Variants in SLC24A4 observed in about 807,000 individuals in gnomAD.
SLC24A4 encodes solute carrier family 24 member 4, also known as sodium/potassium/calcium exchanger 4.
SLC24A4 carries 53 observed loss-of-function variants against 79.0 expected under a neutral mutation model. The ratio of observed to expected loss-of-function variants is 0.67; its 90% CI spans 0.54 to 0.84. SLC24A4 has a LOEUF of 0.84. Ranked by LOEUF, SLC24A4 falls within the 40% of genes least tolerant of loss-of-function variation. The probability of loss-of-function intolerance (pLI) is 0.00; values close to 1 mark genes in which losing one functional copy is unlikely to be tolerated. For missense variants in SLC24A4, 731 were observed against 822.0 expected, an observed-to-expected ratio of 0.89 and a Z score of 1.35; for synonymous variants, 323 against 323.8, an observed-to-expected ratio of 1.00 and a Z score of 0.03.
chr14:92,376,826 T>C (rs1218274551), intron 2 of SLC24A4, among the ~76,000 whole-genome samples: 2 of 152,172 alleles, frequency 1.3e-5, no homozygotes, highest in East Asian at 3.8e-4. Context: ...TGTCACAACC[T>C]GGGGCAAGGC....
intron 2 of SLC24A4, among the ~76,000 whole-genome samples, chr14:92,364,996 C>G (rs965465211): frequency 1.3e-5 from 2 of 152,202 alleles, no homozygotes; most frequent in Non-Finnish European, 2.9e-5. Context: ...CAGGACTTCT[C>G]CCTCCCTATC....
At chr14:92,484,675 TG>T (rs1182780298) in intron 13 of SLC24A4, 1 of 985,246 alleles carries the variant, frequency 1.0e-6, no homozygotes, top group Admixed American at 6.2e-5. Context: ...TTCAGCTAAA[TG>T]GGGGACATGG....
At chr14:92,334,536 A>G (rs1362275929) in intron 2 of SLC24A4, among the ~76,000 whole-genome samples, 2 of 152,106 alleles carry the variant, frequency 1.3e-5, no homozygotes, top group Non-Finnish European at 2.9e-5. Flanking sequence ...TTTAGTGGCT[A>G]TTCTCCCTCC....
Position 92,498,064 on chromosome 14 carries a change from A to G in SLC24A4, c.*4436A>G, listed in dbSNP as rs1258232829. 1 of 152,240 alleles carries G rather than the reference A, an allele frequency of 6.6e-6. No homozygotes were observed. Among genetic ancestry groups the G allele is most frequent in the Non-Finnish European group, 1.5e-5 (1 of 68,062 alleles). The allele number at this position is 152,240 out of a possible 1,614,324, so 9.4% of individuals were successfully genotyped here. A position where few individuals can be genotyped will look rare whatever the true frequency, so the allele number is the denominator to read the frequency against. On this transcript the variant is annotated 3_prime_UTR_variant, in exon 17 of 17. Coordinates refer to ENST00000532405, the MANE Select transcript of SLC24A4 (RefSeq NM_153646.4). ...GTCCTCCTTTCAGCACACCGTGCCCATAGAAACTTCTAGAAATTTCTGAAA... is the reference window on the plus strand; with the variant it reads ...GTCCTCCTTTCAGCACACCGTGCCCGTAGAAACTTCTAGAAATTTCTGAAA...
chr14:92,459,513 C>T (rs1893673182), intron 12 of SLC24A4, among the ~76,000 whole-genome samples: 2 of 152,148 alleles, frequency 1.3e-5, no homozygotes, highest in South Asian at 4.1e-4. Context: ...TAGGCTGTTC[C>T]CCTGGGCTCA....
At chr14:92,415,064 C>T (rs7492663) in intron 2 of SLC24A4, among the ~76,000 whole-genome samples, 1 of 121,798 alleles carries the variant, frequency 8.2e-6, no homozygotes, top group Admixed American at 8.1e-5. Flanking sequence ...GGTTGAAAGG[C>T]GACGGTTCAC....
At chr14:92,437,047 C>T (rs1254658717) in intron 3 of SLC24A4, among the ~76,000 whole-genome samples, 2 of 152,158 alleles carry the variant, frequency 1.3e-5, no homozygotes, top group African/African-American at 4.8e-5. Flanking sequence ...TGATGAGTAT[C>T]ACTGTTTTAG....
intron 2 of SLC24A4, among the ~76,000 whole-genome samples, chr14:92,410,329 G>A (rs969471690): frequency 2.0e-5 from 3 of 152,150 alleles, no homozygotes; most frequent in African/African-American, 7.2e-5. Context: ...CTACAGGTGT[G>A]CCACCATGCC....
At chr14:92,478,962 G>T (rs1326302323) in intron 12 of SLC24A4, among the ~76,000 whole-genome samples, 1 of 151,974 alleles carries the variant, frequency 6.6e-6, no homozygotes, top group African/African-American at 2.4e-5. Context: ...TGATGGCATT[G>T]TACATGGAAT....
intron 1 of SLC24A4, 88 bp downstream of exon 1, chr14:92,324,048 C>T (rs1595114428): frequency 1.3e-6 from 2 of 1,511,388 alleles, no homozygotes; most frequent in Non-Finnish European, 1.8e-6. Flanking sequence ...TTTTCCCCTC[C>T]TTCCTCATCA....
chr14:92,400,024 A>G (rs572186483), intron 2 of SLC24A4, among the ~76,000 whole-genome samples: 58 of 152,192 alleles, frequency 3.8e-4, no homozygotes, highest in Non-Finnish European at 7.5e-4. Flanking sequence ...CAAAGTGCTG[A>G]GATTACAGGC....
At position 92,422,904 on chromosome 14, in the gene SLC24A4, C is replaced by T. The variant is rs148723608; in HGVS notation, c.242-11008C>T. On this transcript the variant is annotated intron_variant, in intron 2 of 16. Coordinates refer to ENST00000532405, the MANE Select transcript of SLC24A4 (RefSeq NM_153646.4). ...TCACTGCTCACTGCAGCCTTGACTT[C>T]CTGGGCTCAAGTGATCCTCCCACCT... Among the ~76,000 whole-genome samples, 532 of 152,276 alleles carry T rather than the reference C, an allele frequency of 3.5e-3. 3 individuals carry two copies. Among genetic ancestry groups the T allele is most frequent in the African/African-American group, 0.011 (476 of 41,550 alleles).
intron 2 of SLC24A4, among the ~76,000 whole-genome samples, chr14:92,419,015 T>C (rs1891138668): frequency 6.6e-6 from 1 of 152,184 alleles, no homozygotes; most frequent in South Asian, 2.1e-4. Context: ...TTTTGTGTTC[T>C]TTAGGCCTTC....
intron 2 of SLC24A4, among the ~76,000 whole-genome samples, chr14:92,385,490 C>T (rs530485895): frequency 2.9e-5 from 4 of 137,862 alleles, no homozygotes; most frequent in East Asian, 2.1e-4. Flanking sequence ...AGCGAGACTC[C>T]GTCTTTAAAA....
intron 2 of SLC24A4, among the ~76,000 whole-genome samples, chr14:92,349,696 G>A (rs567833660): frequency 7.9e-5 from 12 of 152,286 alleles, no homozygotes; most frequent in East Asian, 3.9e-4. Context: ...GACCCCTCAC[G>A]TTGCTGTAGG....
chr14:92,446,561 G>A lies in SLC24A4; in HGVS notation c.684-810G>A, dbSNP rs142562846. 3.8e-3 allele frequency among the ~76,000 whole-genome samples: 573 copies of A among 152,322 alleles called. 2 individuals carry two copies. The highest frequency in any genetic ancestry group is 6.2e-3 in the Non-Finnish European group (425 of 68,026). On this transcript the variant is annotated intron_variant, in intron 8 of 16. Transcript: ENST00000532405. ...GTCCTCTCCTGGCCCCCAATCTGCT[G>A]TGTGGCCCCAGGAAAGCCTCTGAAC...
At chr14:92,377,946 G>T (rs534292160) in intron 2 of SLC24A4, among the ~76,000 whole-genome samples, 1 of 151,904 alleles carries the variant, frequency 6.6e-6, no homozygotes, top group Admixed American at 6.6e-5. Flanking sequence ...TAACAGAAAG[G>T]GGGGACGATG....
intron 2 of SLC24A4, among the ~76,000 whole-genome samples, chr14:92,332,018 C>T (rs1318827395): frequency 6.6e-6 from 1 of 152,172 alleles, no homozygotes; most frequent in African/African-American, 2.4e-5. Context: ...GTGGCTCACG[C>T]TTGTAATCCT....
chr14:92,399,787 T>C (rs1889995124), intron 2 of SLC24A4, among the ~76,000 whole-genome samples: 1 of 152,112 alleles, frequency 6.6e-6, no homozygotes. Flanking sequence ...ATTGCAAAGG[T>C]AGTTAGAGAA....
Sources: allele counts gnomAD v4.1 joint callset (sites outside exome capture counted in the v4.1 genomes callset), GRCh38; gene constraint gnomAD v4.1.1; transcripts MANE v1.5; gene names NCBI Gene and HGNC (gene_info 2026-07-23, HGNC 2026-07-21).